The following CACNA2D3 variants were observed in gnomAD, a reference collection of about 807,000 sequenced individuals.
CACNA2D3 encodes voltage-dependent calcium channel subunit alpha-2/delta-3.
In CACNA2D3, 60 loss-of-function variants were observed where a neutral mutation model predicts 160.6. The observed-to-expected ratio is 0.37, with a 90% confidence interval of 0.30 to 0.46. The LOEUF (loss-of-function observed/expected upper bound fraction) is 0.46, where lower values mean the gene tolerates loss of function less well. Ranked by LOEUF, CACNA2D3 falls within the 20% of genes least tolerant of loss-of-function variation. CACNA2D3 has a pLI of 1.00. For missense variants in CACNA2D3, 1,205 were observed against 1,365.0 expected (o/e 0.88, Z 1.85); for synonymous variants, 558 against 492.9 (o/e 1.13, Z -1.75).
At position 54,968,493 on chromosome 3, in the gene CACNA2D3, C is replaced by T. The variant is rs774607803; in HGVS notation, c.2493C>T (p.Phe831=). The T allele has an allele frequency of 4.3e-6, 7 of 1,610,152 alleles. No individual in the cohort carries two copies. In the South Asian group the frequency reaches 5.5e-5, roughly 13 times the overall value. The change falls in exon 28 of 38, where the codon TTC becomes TTT. Residue 831 remains phenylalanine, a synonymous_variant. Transcript: ENST00000474759. ...AACTTGAATTTTTCCAAAGGAAGTT[C>T]TGGACTGCCAGCAGACAGGTAAGTT... The part of the protein sequence containing the change: ...QMKLEFFQRK[F]WTASRQCASL...
chr3:54,344,164 G>A (rs868847501), intron 3 of CACNA2D3, among the ~76,000 whole-genome samples: 20 of 152,032 alleles, frequency 1.3e-4, no homozygotes, highest in African/African-American at 4.3e-4. Context: ...ATTATTAAAG[G>A]GCACTGCTGA....
At chr3:54,692,935 C>A (rs901236849) in intron 11 of CACNA2D3, among the ~76,000 whole-genome samples, 1 of 152,130 alleles carries the variant, frequency 6.6e-6, no homozygotes, top group African/African-American at 2.4e-5. Flanking sequence ...TGCTTCCACA[C>A]ATGAAATGGC....
At chr3:54,600,074 C>T (rs1703034503) in intron 9 of CACNA2D3, among the ~76,000 whole-genome samples, 1 of 152,204 alleles carries the variant, frequency 6.6e-6, no homozygotes, top group Non-Finnish European at 1.5e-5. Flanking sequence ...GAGCTGAAGG[C>T]ATTTCCCAGG....
At chr3:54,363,869 C>A (rs1029443129) in intron 3 of CACNA2D3, among the ~76,000 whole-genome samples, 1 of 152,176 alleles carries the variant, frequency 6.6e-6, no homozygotes, top group African/African-American at 2.4e-5. Context: ...CTTCCTTCTC[C>A]TCTTAGCATG....
At chr3:55,017,545 G>A (rs1703352292) in intron 34 of CACNA2D3, among the ~76,000 whole-genome samples, 1 of 152,078 alleles carries the variant, frequency 6.6e-6, no homozygotes, top group Non-Finnish European at 1.5e-5. Flanking sequence ...ACCTCTGATA[G>A]AACTTTATTA....
At chr3:54,432,317 G>T (rs1700002136) in intron 4 of CACNA2D3, among the ~76,000 whole-genome samples, 2 of 152,056 alleles carry the variant, frequency 1.3e-5, no homozygotes, top group South Asian at 4.1e-4. Context: ...GATAAACAAT[G>T]ATCTTGTTAT....
intron 2 of CACNA2D3, among the ~76,000 whole-genome samples, chr3:54,196,085 C>T (rs1701074065): frequency 1.3e-5 from 2 of 152,180 alleles, no homozygotes; most frequent in Non-Finnish European, 2.9e-5. Context: ...TTGAATTTTC[C>T]TGATGCTCTG....
At chr3:54,905,592 G>T (rs968370223) in intron 27 of CACNA2D3, among the ~76,000 whole-genome samples, 1 of 152,174 alleles carries the variant, frequency 6.6e-6, no homozygotes, top group Non-Finnish European at 1.5e-5. Flanking sequence ...AAAACTTACT[G>T]ATTAAACCAG....
intron 4 of CACNA2D3, among the ~76,000 whole-genome samples, chr3:54,434,031 G>T (rs907339635): frequency 6.6e-6 from 1 of 152,138 alleles, no homozygotes; most frequent in African/African-American, 2.4e-5. Flanking sequence ...AAGCAGCAGC[G>T]CTCCGGTTCT....
intron 2 of CACNA2D3, among the ~76,000 whole-genome samples, chr3:54,282,743 A>G (rs140903275): frequency 1.3e-5 from 2 of 152,330 alleles, no homozygotes; most frequent in East Asian, 1.9e-4. Context: ...ACAAGTTGTG[A>G]TAAGTATTAT....
At position 54,430,852 on chromosome 3, in the gene CACNA2D3, G is replaced by T. The variant is rs140359708; in HGVS notation, c.381+44078G>T. Among the ~76,000 whole-genome samples, 404 of 152,234 alleles carry T rather than the reference G, an allele frequency of 2.7e-3. 2 individuals carry two copies. The highest frequency in any genetic ancestry group is 0.024 in the East Asian group (122 of 5,190). ...TTAAACAACACAGGGGCTTAGGGGCGCTGACTCCTGCACAGTAAATAATTT... is the reference window on the plus strand; with the variant it reads ...TTAAACAACACAGGGGCTTAGGGGCTCTGACTCCTGCACAGTAAATAATTT... On this transcript the variant is annotated intron_variant, in intron 4 of 37. Transcript: ENST00000474759.
At chr3:54,423,473 G>A (rs530531143) in intron 4 of CACNA2D3, among the ~76,000 whole-genome samples, 17 of 152,116 alleles carry the variant, frequency 1.1e-4, no homozygotes, top group Non-Finnish European at 2.4e-4. Context: ...CCCTAGTACC[G>A]TGCCTGGCAC....
chr3:54,244,092 G>A (rs1702023971), intron 2 of CACNA2D3, among the ~76,000 whole-genome samples: 1 of 152,152 alleles, frequency 6.6e-6, no homozygotes, highest in African/African-American at 2.4e-5. Context: ...AACATAGAGC[G>A]ATGTTGGGAG....
At chr3:54,723,782 T>A (rs1559559575) in intron 11 of CACNA2D3, among the ~76,000 whole-genome samples, 2 of 152,220 alleles carry the variant, frequency 1.3e-5, no homozygotes, top group African/African-American at 2.4e-5. Context: ...TCACCCACCT[T>A]CTGCGTTGAT....
At chr3:55,028,791 C>T (rs1019143346) in intron 35 of CACNA2D3, among the ~76,000 whole-genome samples, 1 of 151,778 alleles carries the variant, frequency 6.6e-6, no homozygotes, top group Non-Finnish European at 1.5e-5. Context: ...TAGTTAGTAT[C>T]ACTCATCACT....
At chr3:54,796,714 C>G (rs1016436988) in intron 13 of CACNA2D3, among the ~76,000 whole-genome samples, 2 of 152,218 alleles carry the variant, frequency 1.3e-5, no homozygotes, top group African/African-American at 2.4e-5. Flanking sequence ...GCTCACACCT[C>G]TACTCTGGAC....
intron 4 of CACNA2D3, among the ~76,000 whole-genome samples, chr3:54,418,503 G>A (rs1212622684): frequency 2.0e-5 from 3 of 152,210 alleles, no homozygotes; most frequent in Non-Finnish European, 2.9e-5. Flanking sequence ...CACAGCTTTT[G>A]TCTGGTCAGA....
chr3:54,220,395 G>A (rs1412008005), intron 2 of CACNA2D3, among the ~76,000 whole-genome samples: 1 of 152,128 alleles, frequency 6.6e-6, no homozygotes, highest in Non-Finnish European at 1.5e-5. Flanking sequence ...CAACATACAG[G>A]TGAATTTACA....
chr3:54,425,515 C>T (rs1378524496), intron 4 of CACNA2D3, among the ~76,000 whole-genome samples: 1 of 152,248 alleles, frequency 6.6e-6, no homozygotes, highest in Non-Finnish European at 1.5e-5. Flanking sequence ...TCCCACTCTG[C>T]TGTTCATCTC....
Sources: allele counts gnomAD v4.1 joint callset (sites outside exome capture counted in the v4.1 genomes callset), GRCh38; gene constraint gnomAD v4.1.1; transcripts MANE v1.5; gene names NCBI Gene and HGNC (gene_info 2026-07-23, HGNC 2026-07-21).